CSMD1: variants seen among roughly 807,000 people sequenced by gnomAD.
CSMD1 encodes CUB and sushi domain-containing protein 1.
A neutral mutation model predicts 417.5 loss-of-function variants in CSMD1; 213 were observed. That is an observed-to-expected ratio of 0.51 (90% CI 0.46 to 0.57). CSMD1 has a LOEUF of 0.57. Ranked by LOEUF, CSMD1 falls within the 20% of genes least tolerant of loss-of-function variation. The pLI is 0.00. For missense variants in CSMD1, 6,923 were observed against 4,529.7 expected (o/e 1.53, Z -15.17); for synonymous variants, 2,862 against 1,736.8 (o/e 1.65, Z -16.11).
At chr8:3,737,570 C>T (rs371171554) in intron 6 of CSMD1, among the ~76,000 whole-genome samples, 1 of 151,152 alleles carries the variant, frequency 6.6e-6, no homozygotes, top group African/African-American at 2.5e-5. Flanking sequence ...TAGCATATAT[C>T]CTCCTATGTC....
At position 4,855,376 on chromosome 8, in the gene CSMD1, C is replaced by T. The variant is rs1029564343; in HGVS notation, c.85+138956G>A. On this transcript the variant is annotated intron_variant, in intron 1 of 69. Coordinates refer to ENST00000635120, the MANE Select transcript of CSMD1 (RefSeq NM_033225.6). ...GAGCGCCTCTCCTCCTCCAAAGGAA[C>T]GCAGTTCCTCACCAGCAACGGAACA... Among the ~76,000 whole-genome samples, 173 of 152,230 alleles carry T rather than the reference C, an allele frequency of 1.1e-3. 1 individual carries two copies. The highest frequency in any genetic ancestry group is 2.7e-3 in the African/African-American group (111 of 41,556).
intron 54 of CSMD1, among the ~76,000 whole-genome samples, chr8:2,989,022 C>T (rs963676084): frequency 2.0e-5 from 3 of 152,198 alleles, no homozygotes; most frequent in Admixed American, 6.5e-5. Context: ...CTCCAGATTA[C>T]ACACTTGAGA....
At chr8:3,726,731 G>C (rs1382821100) in intron 6 of CSMD1, among the ~76,000 whole-genome samples, 1 of 152,268 alleles carries the variant, frequency 6.6e-6, no homozygotes, top group South Asian at 2.1e-4. Context: ...GAATACCAGA[G>C]GGAACTTGCC....
chr8:4,369,446 G>T (rs983427824), intron 3 of CSMD1, among the ~76,000 whole-genome samples: 21 of 152,136 alleles, frequency 1.4e-4, no homozygotes, highest in Non-Finnish European at 2.5e-4. Context: ...TTTTATAGAT[G>T]TCTCTGACGT....
chr8:4,605,605 A>C (rs901736403), intron 2 of CSMD1, among the ~76,000 whole-genome samples: 1 of 152,200 alleles, frequency 6.6e-6, no homozygotes, highest in African/African-American at 2.4e-5. Context: ...TAGTCAATAA[A>C]ATCTAACCAT....
At position 3,753,939 on chromosome 8, in the gene CSMD1, G is replaced by A; in HGVS notation, c.922C>T (p.Gln308Ter). ...GATGGAGCATCCTTACCTTGGAACTGAGCGTTAAATCCTTTGCGTCGGTGG... is the reference window on the plus strand; with the variant it reads ...GATGGAGCATCCTTACCTTGGAACTAAGCGTTAAATCCTTTGCGTCGGTGG... ...SNHRRKGFNA[Q>*]FQVKKAIELK... Residue 308 changes from glutamine to a stop codon, truncating the protein, a stop_gained, in exon 6 of 70, where the codon CAG becomes TAG. Coordinates refer to ENST00000635120, the MANE Select transcript of CSMD1 (RefSeq NM_033225.6). LOFTEE classifies it high-confidence loss of function. 1 of 1,606,216 alleles carries A rather than the reference G, an allele frequency of 6.2e-7. No individual in the cohort carries two copies. Among genetic ancestry groups the A allele is most frequent in the Non-Finnish European group, 8.5e-7 (1 of 1,174,130 alleles).
chr8:4,324,890 C>T (rs981351235), intron 3 of CSMD1, among the ~76,000 whole-genome samples: 8 of 152,178 alleles, frequency 5.3e-5, no homozygotes, highest in Non-Finnish European at 1.0e-4. Flanking sequence ...ATCCTCAAGG[C>T]ACTCTGAGTC....
At chr8:4,191,446 C>T (rs746422840) in intron 3 of CSMD1, among the ~76,000 whole-genome samples, 6 of 151,816 alleles carry the variant, frequency 4.0e-5, no homozygotes, top group Admixed American at 6.6e-5. Context: ...AAAAAACAAA[C>T]TAAAAAAAAT....
intron 5 of CSMD1, among the ~76,000 whole-genome samples, chr8:3,812,359 C>G (rs1390892899): frequency 1.3e-5 from 2 of 152,144 alleles, no homozygotes; most frequent in African/African-American, 4.8e-5. Flanking sequence ...TGTCCTCAGC[C>G]TCTATACCAG....
intron 3 of CSMD1, among the ~76,000 whole-genome samples, chr8:4,153,163 C>T (rs1367291116): frequency 6.6e-6 from 1 of 152,064 alleles, no homozygotes; most frequent in South Asian, 2.1e-4. Flanking sequence ...GGTGACCATG[C>T]CAGGAATAAG....
At chr8:2,962,399 T>G in intron 61 of CSMD1, 67 bp downstream of exon 61, 1 of 1,402,650 alleles carries the variant, frequency 7.1e-7, no homozygotes. Context: ...ATGACCCAAT[T>G]TCGGAATGAA....
chr8:4,936,798 T>C (rs1404743419), intron 1 of CSMD1, among the ~76,000 whole-genome samples: 2 of 152,240 alleles, frequency 1.3e-5, no homozygotes. Flanking sequence ...AAATAAAATA[T>C]ATTAAATGGA....
At chr8:3,289,014 C>T (rs1803358404) in intron 25 of CSMD1, among the ~76,000 whole-genome samples, 1 of 138,696 alleles carries the variant, frequency 7.2e-6, no homozygotes, top group South Asian at 2.1e-4. Context: ...GTGTGATGTT[C>T]CCCTTCCTGT....
chr8:4,268,456 G>C (rs189714299), intron 3 of CSMD1, among the ~76,000 whole-genome samples: 2 of 152,290 alleles, frequency 1.3e-5, no homozygotes, highest in East Asian at 3.9e-4. Context: ...CTGAGGTACT[G>C]AAAGGTAGTA....
chr8:3,741,530 G>A (rs79349821), intron 6 of CSMD1, among the ~76,000 whole-genome samples: 5 of 152,108 alleles, frequency 3.3e-5, no homozygotes, highest in African/African-American at 1.2e-4. Flanking sequence ...GTTTTTAGTA[G>A]GCACATTTAT....
At chr8:3,845,688 T>G (rs1803458593) in intron 5 of CSMD1, among the ~76,000 whole-genome samples, 1 of 152,208 alleles carries the variant, frequency 6.6e-6, no homozygotes, top group Non-Finnish European at 1.5e-5. Context: ...TTTAGCTTAC[T>G]GTAACATTTT....
chr8:4,308,397 G>C (rs113102180), intron 3 of CSMD1, among the ~76,000 whole-genome samples: 1 of 151,264 alleles, frequency 6.6e-6, no homozygotes, highest in South Asian at 2.1e-4. Flanking sequence ...TGGTGTATTC[G>C]TGCATGTGTG....
At chr8:4,355,127 T>C (rs1801343556) in intron 3 of CSMD1, among the ~76,000 whole-genome samples, 2 of 151,796 alleles carry the variant, frequency 1.3e-5, no homozygotes, top group South Asian at 4.2e-4. Flanking sequence ...CCGGGCGTGG[T>C]GGCGGGCGCC....
At chr8:4,244,405 A>G (rs567172542) in intron 3 of CSMD1, among the ~76,000 whole-genome samples, 108 of 152,328 alleles carry the variant, frequency 7.1e-4, no homozygotes, top group African/African-American at 2.4e-3. Context: ...AGATCTTCAT[A>G]AAACTAGTAG....
Sources: allele counts gnomAD v4.1 joint callset (sites outside exome capture counted in the v4.1 genomes callset), GRCh38; gene constraint gnomAD v4.1.1; transcripts MANE v1.5; gene names NCBI Gene and HGNC (gene_info 2026-07-23, HGNC 2026-07-21).